Variants in PPM1J observed in about 807,000 individuals in gnomAD.
PPM1J encodes the protein protein phosphatase, Mg2+/Mn2+ dependent 1J.
A neutral mutation model predicts 53.3 loss-of-function variants in PPM1J; 43 were observed. That is an observed-to-expected ratio of 0.81 (90% CI 0.63 to 1.04). The LOEUF (loss-of-function observed/expected upper bound fraction) is 1.04, where lower values mean the gene tolerates loss of function less well. Among genes scored for constraint, PPM1J ranks in the 50% least tolerant of loss-of-function variants. The pLI is 0.00. For missense variants in PPM1J, 635 were observed against 685.9 expected (o/e 0.93, Z 0.83); for synonymous variants, 267 against 286.4 (o/e 0.93, Z 0.68).
rs562746927 is a variant in PPM1J, at chr1:112,710,155, T to C, written c.*8A>G. The C allele has an allele frequency of 1.1e-5, 17 of 1,548,204 alleles. No individual in the cohort carries two copies. The Admixed American group carries it at 3.8e-4, about 35-fold the overall frequency. The stretch of plus-strand genomic sequence containing the variant: ...GAGAGGCTAGTGGGAGGGATGGTGT[T>C]CAGCCCCTCAGGAGTAACTGCCTGG... On this transcript the variant is annotated 3_prime_UTR_variant, in exon 10 of 10. Coordinates refer to ENST00000309276, the MANE Select transcript of PPM1J (RefSeq NM_005167.7).
At chr1:112,710,338 G>T (rs1675028068) in intron 9 of PPM1J, 28 bp from the exon 10 acceptor site, 1 of 1,613,128 alleles carries the variant, frequency 6.2e-7, no homozygotes, top group African/African-American at 1.3e-5. Context: ...GCACATTCAT[G>T]TACCAACATG....
At position 112,711,957 on chromosome 1, in the gene PPM1J, T is replaced by C; in HGVS notation, c.927+14A>G. ...CGACAAAGAATGGGGGTAGGGAATTTGGTTCCTACTTACAAGCAGCTGAAG... is the reference window on the plus strand; with the variant it reads ...CGACAAAGAATGGGGGTAGGGAATTCGGTTCCTACTTACAAGCAGCTGAAG... On this transcript the variant is annotated intron_variant, in intron 5 of 9. Coordinates refer to ENST00000309276, the MANE Select transcript of PPM1J (RefSeq NM_005167.7). The C allele has an allele frequency of 6.3e-7, 1 of 1,585,500 alleles. No homozygotes were observed. Among genetic ancestry groups the C allele is most frequent in the Non-Finnish European group, 8.6e-7 (1 of 1,159,152 alleles).
Position 112,714,040 on chromosome 1 carries a change from C to T in PPM1J, c.327-429G>A. The T allele has an allele frequency of 3.8e-6, 4 of 1,051,406 alleles. 1 individual carries two copies. The African/African-American group carries it at 6.6e-5, about 17-fold the overall frequency. 65.1% of individuals were successfully genotyped at this position (1,051,406 alleles called of 1,614,324 possible). ...CAGTGCCTTGTCCCCAGCACCTCAT[C>T]CTCATGGGCACACCCACCCTTATCC... is the stretch of plus-strand genomic sequence containing the variant. On this transcript the variant is annotated intron_variant, in intron 1 of 9. Coordinates refer to ENST00000309276, the MANE Select transcript of PPM1J (RefSeq NM_005167.7).
At position 112,710,303 on chromosome 1, in the gene PPM1J, C is replaced by T; in HGVS notation, c.1378G>A (p.Ala460Thr). 6.2e-7 allele frequency: 1 copy of T among 1,612,668 alleles called. No individual in the cohort carries two copies. The highest frequency in any genetic ancestry group is 8.5e-7 in the Non-Finnish European group (1 of 1,179,570). ...CCCAGGACCAGAGCTTGGGCCAGAG[C>T]TGTATACCTGCCAGGAGCACACATG... ...YEPNDHSRYT[A>T]LAQALVLGAR... Residue 460 changes from alanine (A) to threonine (T), a missense_variant, in exon 10 of 10, where the codon GCT becomes ACT. Physicochemically the swap from Ala to Thr is moderately conservative, Grantham distance 58. Transcript: ENST00000309276.
At position 112,710,294 on chromosome 1, in the gene PPM1J, G is replaced by C; in HGVS notation, c.1387C>G (p.Gln463Glu). ...NDHSRYTALA[Q>E]ALVLGARGTP... ...CCCCGGGCCCCCAGGACCAGAGCTTGGGCCAGAGCTGTATACCTGCCAGGA... is the reference window on the plus strand; with the variant it reads ...CCCCGGGCCCCCAGGACCAGAGCTTCGGCCAGAGCTGTATACCTGCCAGGA... Residue 463 changes from glutamine (Q) to glutamate (E), a missense_variant, in exon 10 of 10, where the codon CAA becomes GAA. Transcript: ENST00000309276. The C allele has an allele frequency of 6.2e-7, 1 of 1,610,942 alleles. No individual in the cohort carries two copies. The highest frequency in any genetic ancestry group is 2.2e-5 in the East Asian group (1 of 44,864).
chr1:112,711,691 T>C (rs561356000), intron 5 of PPM1J, among the ~76,000 whole-genome samples: 8 of 152,146 alleles, frequency 5.3e-5, no homozygotes, highest in Non-Finnish European at 1.2e-4. Context: ...TAAGCCGGAC[T>C]GCCTTTCAGG....
chr1:112,710,567 A>C lies in PPM1J; in HGVS notation c.1263T>G (p.Asp421Glu). 1 of 1,614,164 alleles carries C rather than the reference A, an allele frequency of 6.2e-7. No individual in the cohort carries two copies. The highest frequency in any genetic ancestry group is 1.1e-5 in the South Asian group (1 of 91,086). ...DLTQYEHCPD[D>E]VLVLGTDGLW... ...GGCCATCTGTTCCCAGGACTAGCAC[A>C]TCATCTGGGCAGTGCTCATATTGTG... is the stretch of plus-strand genomic sequence containing the variant. Residue 421 changes from aspartate to glutamate, a missense_variant, in exon 9 of 10, where the codon GAT becomes GAG. Coordinates refer to ENST00000309276, the MANE Select transcript of PPM1J (RefSeq NM_005167.7).
At position 112,714,762 on chromosome 1, in the gene PPM1J, G is replaced by A. The variant is rs994257962; in HGVS notation, c.326+214C>T. ...CGTGGGCGAGGGCAGTCAATGAGCG[G>A]GAAGGACGTGAAGAAGGTGACACAG... On this transcript the variant is annotated intron_variant, in intron 1 of 9. Coordinates refer to ENST00000309276, the MANE Select transcript of PPM1J (RefSeq NM_005167.7). The A allele has an allele frequency of 4.8e-6, 6 of 1,261,894 alleles. No individual in the cohort carries two copies. In the African/African-American group the frequency reaches 9.3e-5, roughly 20 times the overall value. 78.2% of individuals were successfully genotyped at this position (1,261,894 alleles called of 1,614,324 possible). A position where few individuals can be genotyped will look rare whatever the true frequency, so the allele number is the denominator to read the frequency against.
intron 1 of PPM1J, 179 bp downstream of exon 1, chr1:112,714,797 C>A (rs557282395): frequency 1.4e-5 from 18 of 1,270,694 alleles, no homozygotes; most frequent in African/African-American, 6.2e-5. Flanking sequence ...GGCTGCCCCC[C>A]ACTGGAAAAT....
chr1:112,711,045 TCCTCCAGCTCGATCTTTTTGTAGGC>T lies in PPM1J; in HGVS notation c.1048_1072del (p.Ala350IlefsTer16). 1 of 1,614,024 alleles carries T rather than the reference TCCTCCAGCTCGATCTTTTTGTAGGC, an allele frequency of 6.2e-7. No homozygotes were observed. Among genetic ancestry groups the T allele is most frequent in the Non-Finnish European group, 8.5e-7 (1 of 1,179,978 alleles). On this transcript the variant is annotated frameshift_variant and splice_region_variant, in exon 7 of 10. Transcript: ENST00000309276. LOFTEE classifies it high-confidence loss of function. The stretch of plus-strand genomic sequence containing the variant: ...CCCACAGACCAGAGGAAACCTGAGA[TCCTCCAGCTCGATCTTTTTGTAGGC>T]CCTGGGGAGGGGGGAGTAGAGGAGG...
chr1:112,713,949 T>C (rs990011715), intron 1 of PPM1J: 2 of 866,990 alleles, frequency 2.3e-6, no homozygotes, highest in African/African-American at 3.4e-5. Context: ...GGCTAGTTGG[T>C]AGCAGAAGTT....
At chr1:112,710,952 C>G in intron 7 of PPM1J, 56 bp downstream of exon 7, 14 of 1,594,174 alleles carry the variant, frequency 8.8e-6, no homozygotes, top group South Asian at 4.4e-5. Flanking sequence ...CTCCACCTCC[C>G]TAGACAAGTT....
At chr1:112,713,744 C>A in intron 1 of PPM1J, 133 bp from the exon 2 acceptor site, 1 of 779,808 alleles carries the variant, frequency 1.3e-6, no homozygotes. Flanking sequence ...GGATCCAGGC[C>A]AGAGGGAGGA....
chr1:112,710,235 G>A lies in PPM1J; in HGVS notation c.1446C>T (p.Asn482=). The change falls in exon 10 of 10, where the codon AAC becomes AAT. Residue 482 remains asparagine (N), a synonymous_variant. Coordinates refer to ENST00000309276, the MANE Select transcript of PPM1J (RefSeq NM_005167.7). ...TPRDRGWRLP[N]NKLGSGDDIS... The stretch of plus-strand genomic sequence containing the variant: ...TGTCATCCCCGGAACCCAGCTTGTT[G>A]TTGGGGAGACGCCAGCCACGGTCTC... 1.3e-6 allele frequency: 2 copies of A among 1,591,814 alleles called. No individual in the cohort carries two copies. The highest frequency in any genetic ancestry group is 8.5e-7 in the Non-Finnish European group (1 of 1,174,316).
At chr1:112,713,268 G>C (rs563866976) in intron 2 of PPM1J, among the ~76,000 whole-genome samples, 1 of 152,256 alleles carries the variant, frequency 6.6e-6, no homozygotes, top group South Asian at 2.1e-4. Context: ...CTCAGCACTG[G>C]CAATTAAATC....
Position 112,711,472 on chromosome 1 carries a change from AC to A in PPM1J, c.928-89del, listed in dbSNP as rs1406804975. 4 of 720,620 alleles carry A rather than the reference AC, an allele frequency of 5.6e-6. No individual in the cohort carries two copies. In the African/African-American group the frequency reaches 7.1e-5, roughly 13 times the overall value. The allele number at this position is 720,620 out of a possible 1,614,324, so 44.6% of individuals were successfully genotyped here. A position where few individuals can be genotyped will look rare whatever the true frequency, so the allele number is the denominator to read the frequency against. ...ACACAGATGACGTTGACTACAGCAGACCCTTAAACAGAGTTTACCATGTGCC... is the reference window on the plus strand; with the variant it reads ...ACACAGATGACGTTGACTACAGCAGACCTTAAACAGAGTTTACCATGTGCC... On this transcript the variant is annotated intron_variant, in intron 5 of 9. Coordinates refer to ENST00000309276, the MANE Select transcript of PPM1J (RefSeq NM_005167.7).
At chr1:112,710,681 G>C in intron 8 of PPM1J, 63 bp downstream of exon 8, 7 of 1,612,582 alleles carry the variant, frequency 4.3e-6, no homozygotes, top group Non-Finnish European at 5.1e-6. Context: ...GAGATAAAGG[G>C]ACTGCAGATG....
chr1:112,712,667 G>T, intron 3 of PPM1J, 77 bp downstream of exon 3: 1 of 1,458,972 alleles, frequency 6.9e-7, no homozygotes, highest in Non-Finnish European at 9.4e-7. Flanking sequence ...GGTTCTCAGG[G>T]TAACCCCCTC....
Position 112,710,788 on chromosome 1 carries a change from T to G in PPM1J, c.1174A>C (p.Ser392Arg), listed in dbSNP as rs898632997. The G allele has an allele frequency of 6.2e-7, 1 of 1,614,042 alleles. No individual in the cohort carries two copies. The highest frequency in any genetic ancestry group is 8.5e-7 in the Non-Finnish European group (1 of 1,179,952). ...AAGGGCTTGATGGGCAGGGTGGAAC[T>G]GCAGACCTTAAGGCTGTGGTCTCCC... Reference protein sequence around the residue: ...GLGDHSLKVCSSTLPIKPFLS... With the variant: ...GLGDHSLKVCRSTLPIKPFLS... The change falls in exon 8 of 10, where the codon AGT (serine) becomes CGT (arginine). Residue 392 changes from serine to arginine, a missense_variant. Transcript: ENST00000309276.
Sources: gnomAD v4.1 joint callset for allele counts (sites outside exome capture counted in the v4.1 genomes callset) on GRCh38, gnomAD v4.1.1 for gene constraint, MANE v1.5 for transcripts, NCBI Gene and HGNC (gene_info 2026-07-23, HGNC 2026-07-21) for gene names.